The following ARG2 variants were observed in gnomAD, a reference collection of about 807,000 sequenced individuals.
ARG2 encodes the protein arginase-2, mitochondrial.
Under a neutral mutation model 39.4 loss-of-function variants are expected in ARG2, and 21 were observed. The observed-to-expected ratio is 0.53, with a 90% CI of 0.38 to 0.77. ARG2 has a LOEUF of 0.77. Among genes scored for constraint, ARG2 ranks in the 30% least tolerant of loss-of-function variants. The pLI, the probability that ARG2 is intolerant of heterozygous loss-of-function variation, is 0.00. For missense variants in ARG2, 378 were observed against 426.2 expected, an observed-to-expected ratio of 0.89 and a Z score of 1.00; for synonymous variants, 150 against 156.7, an observed-to-expected ratio of 0.96 and a Z score of 0.32.
intron 3 of ARG2, among the ~76,000 whole-genome samples, chr14:67,642,688 T>C (rs1372706401): frequency 3.9e-5 from 6 of 152,074 alleles, no homozygotes; most frequent in Non-Finnish European, 8.8e-5. Flanking sequence ...TCTTATGACT[T>C]TGGAGAATTA....
rs752302802 is a variant in ARG2 at position 67,642,385 on chromosome 14, G to T, written c.362+22G>T. 1.3e-5 allele frequency: 21 copies of T among 1,612,096 alleles called. No homozygotes were observed. In the African/African-American group the frequency reaches 1.9e-4, roughly 14 times the overall value. On this transcript the variant is annotated intron_variant, in intron 3 of 7. Coordinates refer to ENST00000261783, the MANE Select transcript of ARG2 (RefSeq NM_001172.4). ...ACAGGTAAGCTGGGAGCCAGGCGTG[G>T]TGAGGGGATGGATTACATGGTGCTT... is the stretch of plus-strand genomic sequence containing the variant.
chr14:67,644,279 C>A (rs2037068541), intron 3 of ARG2, among the ~76,000 whole-genome samples: 1 of 152,186 alleles, frequency 6.6e-6, no homozygotes, highest in Non-Finnish European at 1.5e-5. Flanking sequence ...CTACTTTAAT[C>A]ATCAAAGCAA....
intron 4 of ARG2, 34 bp from the exon 5 acceptor site, chr14:67,646,610 C>A (rs1201533068): frequency 2.0e-6 from 3 of 1,517,632 alleles, no homozygotes; most frequent in Non-Finnish European, 2.7e-6. Flanking sequence ...AACAAGAATT[C>A]TTGATTAATC....
At chr14:67,635,651 C>G (rs1487963080) in intron 2 of ARG2, among the ~76,000 whole-genome samples, 1 of 152,138 alleles carries the variant, frequency 6.6e-6, no homozygotes, top group Non-Finnish European at 1.5e-5. Flanking sequence ...GTCAGGAGTT[C>G]CAGACCAGTC....
chr14:67,645,143 C>T (rs1378841593), intron 3 of ARG2, among the ~76,000 whole-genome samples: 1 of 151,652 alleles, frequency 6.6e-6, no homozygotes, highest in Non-Finnish European at 1.5e-5. Context: ...TTTGGTGAGT[C>T]GTTACCTATA....
Position 67,651,489 on chromosome 14 carries a change from G to A in ARG2, c.*569G>A. On this transcript the variant is annotated 3_prime_UTR_variant, in exon 8 of 8. Transcript: ENST00000261783. The stretch of plus-strand genomic sequence containing the variant: ...AGCTTGTTGGTTGTCACTCTACAAA[G>A]AGAAGCAAAGTGGGGAGTAGTCAGA... The A allele has an allele frequency of 6.2e-7, 1 of 1,613,316 alleles. No individual in the cohort carries two copies. The highest frequency in any genetic ancestry group is 8.5e-7 in the Non-Finnish European group (1 of 1,179,418).
chr14:67,647,632 A>G (rs1355118736), intron 6 of ARG2: 1 of 158,330 alleles, frequency 6.3e-6, no homozygotes, highest in Non-Finnish European at 1.4e-5. Flanking sequence ...AGAGAATAAG[A>G]GCAACCATAA....
chr14:67,636,873 C>A (rs945572322), intron 2 of ARG2, among the ~76,000 whole-genome samples: 1 of 152,198 alleles, frequency 6.6e-6, no homozygotes, highest in Non-Finnish European at 1.5e-5. Context: ...CCTACAATGT[C>A]CTCTTAGAAG....
chr14:67,620,795 A>G, intron 1 of ARG2, 99 bp from the exon 2 acceptor site: 1 of 1,166,000 alleles, frequency 8.6e-7, no homozygotes, highest in Non-Finnish European at 1.3e-6. Context: ...TGATGCTGTC[A>G]CAGGTTTTCA....
At position 67,651,363 on chromosome 14, in the gene ARG2, A is replaced by C. The variant is rs1185633320; in HGVS notation, c.*443A>C. The C allele has an allele frequency of 6.2e-7, 1 of 1,613,356 alleles. No individual in the cohort carries two copies. The highest frequency in any genetic ancestry group is 1.1e-5 in the South Asian group (1 of 91,044). On this transcript the variant is annotated 3_prime_UTR_variant, in exon 8 of 8. Transcript: ENST00000261783. ...ATTCACAAGGTCAAAGTTCTGGTCC[A>C]CAAACCCTTCCCTATAGAAGTTCAA...
At chr14:67,622,148 G>A (rs887582126) in intron 2 of ARG2, among the ~76,000 whole-genome samples, 2 of 152,108 alleles carry the variant, frequency 1.3e-5, no homozygotes, top group Non-Finnish European at 2.9e-5. Context: ...CAATCTAAAT[G>A]TTTCTAGACT....
chr14:67,650,988 G>A lies in ARG2; in HGVS notation c.*68G>A. 2.1e-6 allele frequency: 3 copies of A among 1,462,712 alleles called. No individual in the cohort carries two copies. The highest frequency in any genetic ancestry group is 2.8e-6 in the Non-Finnish European group (3 of 1,055,968). The allele number at this position is 1,462,712 out of a possible 1,614,324, so 90.6% of individuals were successfully genotyped here. A position where few individuals can be genotyped will look rare whatever the true frequency, so the allele number is the denominator to read the frequency against. On this transcript the variant is annotated 3_prime_UTR_variant, in exon 8 of 8. Coordinates refer to ENST00000261783, the MANE Select transcript of ARG2 (RefSeq NM_001172.4). ...ATTATGAGGCATTGAGGGGATAGATGAATACTAAATGGTTGTCTGGGTCAA... is the reference window on the plus strand; with the variant it reads ...ATTATGAGGCATTGAGGGGATAGATAAATACTAAATGGTTGTCTGGGTCAA...
intron 2 of ARG2, among the ~76,000 whole-genome samples, chr14:67,627,372 G>A (rs1566796143): frequency 6.6e-6 from 1 of 151,238 alleles, no homozygotes; most frequent in Admixed American, 6.6e-5. Context: ...ACTTATGTAA[G>A]TTTTATGTGT....
chr14:67,651,457 AAGC>A lies in ARG2; in HGVS notation c.*544_*546del. On this transcript the variant is annotated 3_prime_UTR_variant, in exon 8 of 8. Transcript: ENST00000261783. ...CGAGCTCCAGTAAGATGATAATGGA[AAGC>A]AGCAGCTTGTTGGTTGTCACTCTAC... 6.2e-7 allele frequency: 1 copy of A among 1,613,918 alleles called. No homozygotes were observed. Among genetic ancestry groups the A allele is most frequent in the Non-Finnish European group, 8.5e-7 (1 of 1,179,798 alleles).
At chr14:67,647,736 C>G (rs1269292508) in intron 6 of ARG2, 6 of 232,918 alleles carry the variant, frequency 2.6e-5, no homozygotes, top group Non-Finnish European at 5.0e-5. Flanking sequence ...GTGAAGAAAT[C>G]TCTCTATTGA....
intron 2 of ARG2, among the ~76,000 whole-genome samples, chr14:67,636,993 C>T (rs929293118): frequency 6.6e-6 from 1 of 152,224 alleles, no homozygotes; most frequent in Admixed American, 6.5e-5. Flanking sequence ...CAGCCAGACA[C>T]ATATTCCTTA....
At chr14:67,650,571 A>C in intron 7 of ARG2, 144 bp from the exon 8 acceptor site, 2 of 681,818 alleles carry the variant, frequency 2.9e-6, no homozygotes, top group Non-Finnish European at 5.1e-6. Context: ...ATGAGGTGCA[A>C]GGGGCTTCCT....
At position 67,651,523 on chromosome 14, in the gene ARG2, T is replaced by C; in HGVS notation, c.*603T>C. On this transcript the variant is annotated 3_prime_UTR_variant, in exon 8 of 8. Transcript: ENST00000261783. The stretch of plus-strand genomic sequence containing the variant: ...AGTGGGGAGTAGTCAGAAGTTTGGA[T>C]AACCTTCCTTCTAAACATTTTGGGG... 6.2e-7 allele frequency: 1 copy of C among 1,606,022 alleles called. No individual in the cohort carries two copies. The highest frequency in any genetic ancestry group is 8.5e-7 in the Non-Finnish European group (1 of 1,175,350).
intron 7 of ARG2, chr14:67,649,716 G>C (rs774025142): frequency 6.6e-6 from 1 of 152,086 alleles, no homozygotes; most frequent in Non-Finnish European, 1.5e-5. Context: ...GATGCTGAAC[G>C]GACATGATGG....
Sources: allele counts gnomAD v4.1 joint callset (sites outside exome capture counted in the v4.1 genomes callset), GRCh38; gene constraint gnomAD v4.1.1; transcripts MANE v1.5; gene names NCBI Gene and HGNC (gene_info 2026-07-23, HGNC 2026-07-21).